The following MROH2A variants were observed in gnomAD, a reference collection of about 807,000 sequenced individuals.
The protein encoded by MROH2A is maestro heat-like repeat-containing protein family member 2A.
A neutral mutation model predicts 200.4 loss-of-function variants in MROH2A; 174 were observed. That is an observed-to-expected ratio of 0.87 (90% CI 0.77 to 0.98). MROH2A has a LOEUF of 0.98. Ranked by LOEUF, MROH2A falls within the 50% of genes least tolerant of loss-of-function variation. The pLI is 0.00. For missense variants in MROH2A, 2,045 were observed against 2,139.6 expected (o/e 0.96, Z 0.87); for synonymous variants, 829 against 840.4 (o/e 0.99, Z 0.23).
At chr2:233,817,543 G>C (rs1450426683) in intron 27 of MROH2A, among the ~76,000 whole-genome samples, 1 of 152,226 alleles carries the variant, frequency 6.6e-6, no homozygotes, top group Non-Finnish European at 1.5e-5. Context: ...TGTGAGGCCA[G>C]AGGCTGTGTG....
At chr2:233,799,474 C>T (rs1404054194) in intron 12 of MROH2A, among the ~76,000 whole-genome samples, 1 of 152,186 alleles carries the variant, frequency 6.6e-6, no homozygotes, top group Admixed American at 6.5e-5. Context: ...GAGCAAGCCC[C>T]AGGGGGTCCA....
In MROH2A at chr2:233,799,917, G is replaced by A. The variant is rs116915889; in HGVS notation, c.1449+18G>A. The A allele has an allele frequency of 2.4e-3, 3,798 of 1,550,298 alleles. 81 individuals are homozygous for A. The East Asian group carries it at 0.053, about 21-fold the overall frequency. On this transcript the variant is annotated intron_variant, in intron 13 of 41. Coordinates refer to ENST00000389758, the MANE Select transcript of MROH2A (RefSeq NM_001394639.1). ...ACAAACTGGTGAGTGGCCCTGATAC[G>A]CAGACCGCAGAGCAGCTGGACTTGG...
chr2:233,801,103 A>C (rs1373885229), intron 14 of MROH2A, among the ~76,000 whole-genome samples: 1 of 152,258 alleles, frequency 6.6e-6, no homozygotes, highest in African/African-American at 2.4e-5. Flanking sequence ...CTGATTTTGT[A>C]GATGAAGAAA....
At chr2:233,819,294 G>C (rs1703770760) in intron 29 of MROH2A, 23 bp from the exon 30 acceptor site, 1 of 1,544,142 alleles carries the variant, frequency 6.5e-7, no homozygotes, top group African/African-American at 1.4e-5. Flanking sequence ...GGAGGGCAGG[G>C]GAGTCACCCG....
intron 7 of MROH2A, 76 bp downstream of exon 7, chr2:233,793,900 T>C: frequency 7.7e-7 from 1 of 1,306,880 alleles, no homozygotes; most frequent in Admixed American, 3.7e-5. Context: ...CGGGAGGTGC[T>C]GAGGGACCGT....
rs1391895942 is a variant in MROH2A, at chr2:233,787,784, TA to T, written c.277-1712del. On this transcript the variant is annotated intron_variant, in intron 3 of 41. Transcript: ENST00000389758. ...ATCATATATACATATATATTATATA[TA>T]TCATATATAATATATATTATATATA... is the stretch of plus-strand genomic sequence containing the variant. Among the ~76,000 whole-genome samples, 25 of 14,286 alleles carry T rather than the reference TA, an allele frequency of 1.7e-3. 8 individuals carry two copies. Among genetic ancestry groups the T allele is most frequent in the African/African-American group, 0.011 (25 of 2,328 alleles). The allele number at this position is 14,286 out of a possible 152,430, so 9.4% of individuals were successfully genotyped here. A position where few individuals can be genotyped will look rare whatever the true frequency, so the allele number is the denominator to read the frequency against.
In MROH2A at chr2:233,832,620, C is replaced by G. The variant is rs150118531; in HGVS notation, c.4879C>G (p.Leu1627Val). 1.5e-3 allele frequency: 2,280 copies of G among 1,549,722 alleles called. 5 individuals carry two copies. The highest frequency in any genetic ancestry group is 1.4e-3 in the Non-Finnish European group (1,635 of 1,146,214). The change falls in exon 41 of 42, where the codon CTG (leucine) becomes GTG (valine). Residue 1627 changes from leucine (L) to valine (V), a missense_variant. Transcript: ENST00000389758. Reference sequence around the variant, plus strand: ...GATGTCTACACATTATCTGAAAAAGCTGGACTTCCCAGCATTACGGAATTG... The same window carrying G: ...GATGTCTACACATTATCTGAAAAAGGTGGACTTCCCAGCATTACGGAATTG... Reference protein sequence around the residue: ...KQMSTHYLKKLDFPALRNSLQ... With the variant: ...KQMSTHYLKKVDFPALRNSLQ...
At chr2:233,824,746 T>TG (rs1704189717) in intron 35 of MROH2A, among the ~76,000 whole-genome samples, 1 of 152,252 alleles carries the variant, frequency 6.6e-6, no homozygotes, top group Non-Finnish European at 1.5e-5. Context: ...ATGCATTGCT[T>TG]GCTTGGGAGG....
In MROH2A at chr2:233,820,429, C is replaced by A. The variant is rs1703860963; in HGVS notation, c.3512+373C>A. Among the ~76,000 whole-genome samples, 1 of 152,206 alleles carries A rather than the reference C, an allele frequency of 6.6e-6. No individual in the cohort carries two copies. Among genetic ancestry groups the A allele is most frequent in the South Asian group, 2.1e-4 (1 of 4,834 alleles). ...GAGCAAGCCCTGGATATATTCCAGG[C>A]TGTCCCTATTTCTTTCAAAATGTGT... is the stretch of plus-strand genomic sequence containing the variant. On this transcript the variant is annotated intron_variant, in intron 31 of 41. Transcript: ENST00000389758. This position sits in a 1 kb window ranked among gnomAD's most constrained non-coding sequence, Gnocchi z 4.1.
intron 3 of MROH2A, among the ~76,000 whole-genome samples, chr2:233,783,632 G>T (rs890800485): frequency 3.3e-5 from 5 of 152,084 alleles, no homozygotes; most frequent in South Asian, 2.1e-4. Context: ...TGCAACCTCT[G>T]CCTCCCGGGT....
At chr2:233,832,155 G>A (rs1419864236) in intron 39 of MROH2A, 22 bp from the exon 40 acceptor site, 1 of 1,226,942 alleles carries the variant, frequency 8.2e-7, no homozygotes, top group Non-Finnish European at 1.1e-6. Flanking sequence ...CCAAAGCTGT[G>A]TGTATCACTT....
At chr2:233,803,019 A>G (rs1212182459) in intron 15 of MROH2A, among the ~76,000 whole-genome samples, 1 of 152,048 alleles carries the variant, frequency 6.6e-6, no homozygotes, top group South Asian at 2.1e-4. Context: ...GCCCTTGTCC[A>G]TTTGTTTGTG....
chr2:233,796,935 C>T (rs571192933), intron 11 of MROH2A, among the ~76,000 whole-genome samples: 55 of 152,326 alleles, frequency 3.6e-4, no homozygotes, highest in African/African-American at 1.3e-3. Flanking sequence ...AAGAAATGCA[C>T]ATTTAAGCAA....
intron 15 of MROH2A, among the ~76,000 whole-genome samples, chr2:233,802,732 A>T (rs924779905): frequency 5.3e-5 from 8 of 152,156 alleles, no homozygotes; most frequent in Non-Finnish European, 7.3e-5. Flanking sequence ...GGCACTGTTA[A>T]CACCAGGCTC....
intron 19 of MROH2A, among the ~76,000 whole-genome samples, chr2:233,806,102 A>G (rs1022597825): frequency 2.6e-5 from 4 of 152,180 alleles, no homozygotes; most frequent in Admixed American, 6.5e-5. Context: ...AAATAATACA[A>G]TAGAGAAAGT....
Position 233,790,041 on chromosome 2 carries a change from G to A in MROH2A, c.571+27G>A, listed in dbSNP as rs1411269258. ...TAGGGGCTTGAGGGCCCTCAGCCGG[G>A]CCCAGTGTGCCCTTCTGGTCTCTGC... On this transcript the variant is annotated intron_variant, in intron 5 of 41. Coordinates refer to ENST00000389758, the MANE Select transcript of MROH2A (RefSeq NM_001394639.1). 2.0e-6 allele frequency: 3 copies of A among 1,520,668 alleles called. No homozygotes were observed. In the South Asian group the frequency reaches 3.8e-5, roughly 19 times the overall value. 94.2% of individuals were successfully genotyped at this position (1,520,668 alleles called of 1,614,324 possible). A position where few individuals can be genotyped will look rare whatever the true frequency, so the allele number is the denominator to read the frequency against.
intron 33 of MROH2A, 47 bp from the exon 34 acceptor site, chr2:233,822,834 T>C: frequency 1.1e-5 from 17 of 1,543,466 alleles, no homozygotes; most frequent in Non-Finnish European, 1.4e-5. Flanking sequence ...CCCCAGGCCA[T>C]GCGCTCCCAG....
At chr2:233,778,640 G>A (rs1042407653) in intron 1 of MROH2A, among the ~76,000 whole-genome samples, 159 bp downstream of exon 1, 21 of 152,174 alleles carry the variant, frequency 1.4e-4, no homozygotes, top group African/African-American at 4.6e-4. Context: ...CGACATCTAT[G>A]TTGGTGTTTC....
At position 233,830,386 on chromosome 2, in the gene MROH2A, G is replaced by A. The variant is rs78823563; in HGVS notation, c.4602+611G>A. 1.2e-4 allele frequency among the ~76,000 whole-genome samples: 19 copies of A among 152,340 alleles called. No homozygotes were observed. The East Asian group carries it at 3.3e-3, about 26-fold the overall frequency. On this transcript the variant is annotated intron_variant, in intron 38 of 41. Transcript: ENST00000389758. ...TCCCTAGTCTCTGCTTACAGACTTG[G>A]GGGGTGGGGTCAGGAAGTGGGGAGG...
Sources: gnomAD v4.1 joint callset for allele counts (sites outside exome capture counted in the v4.1 genomes callset) on GRCh38, gnomAD v4.1.1 for gene constraint, Gnocchi (gnomAD v3.1) non-coding constraint, MANE v1.5 for transcripts, NCBI Gene and HGNC (gene_info 2026-07-23, HGNC 2026-07-21) for gene names.